Variants in CCDC179 observed in about 807,000 individuals in gnomAD.
The protein encoded by CCDC179 is coiled-coil domain-containing protein 179.
A neutral mutation model predicts 12.0 loss-of-function variants in CCDC179; 17 were observed. The observed-to-expected ratio is 1.42, with a 90% confidence interval of 0.97 to 2.13. The LOEUF (loss-of-function observed/expected upper bound fraction) is 2.13, where lower values mean the gene tolerates loss of function less well. Among genes scored for constraint, CCDC179 ranks in the 30% most tolerant of loss-of-function variants. The probability of loss-of-function intolerance (pLI) is 0.00; values close to 1 mark genes in which losing one functional copy is unlikely to be tolerated. For synonymous variants in CCDC179, 27 were observed against 26.4 expected, an observed-to-expected ratio of 1.02 and a Z score of -0.07; for missense variants, 83 against 78.6, an observed-to-expected ratio of 1.06 and a Z score of -0.21.
At chr11:22,856,549 C>A (rs116888783) in intron 3 of CCDC179, among the ~76,000 whole-genome samples, 2 of 151,466 alleles carry the variant, frequency 1.3e-5, no homozygotes, top group African/African-American at 2.4e-5. Flanking sequence ...CTAAACCTCA[C>A]ATTATAGTCA....
At chr11:22,854,757 G>A (rs991984547) in intron 3 of CCDC179, among the ~76,000 whole-genome samples, 11 of 151,876 alleles carry the variant, frequency 7.2e-5, no homozygotes, top group African/African-American at 2.6e-4. Flanking sequence ...CACTTCAGAT[G>A]TCAATGATCT....
chr11:22,853,774 A>G (rs1858473250), intron 3 of CCDC179, among the ~76,000 whole-genome samples: 1 of 151,898 alleles, frequency 6.6e-6, no homozygotes, highest in Admixed American at 6.6e-5. Context: ...AAATATTGAC[A>G]TAATAATAGA....
chr11:22,858,610 TC>T (rs1858586506), intron 2 of CCDC179, among the ~76,000 whole-genome samples: 1 of 152,026 alleles, frequency 6.6e-6, no homozygotes, highest in Non-Finnish European at 1.5e-5. Flanking sequence ...TTTTAAAAAA[TC>T]CACTGATAAC....
In CCDC179 at chr11:22,860,423, C is replaced by T. The variant is rs868354972; in HGVS notation, c.-2G>A. 6 of 1,535,062 alleles carry T rather than the reference C, an allele frequency of 3.9e-6. No individual in the cohort carries two copies. The African/African-American group carries it at 5.5e-5, about 14-fold the overall frequency. On this transcript the variant is annotated 5_prime_UTR_variant, in exon 1 of 4. Coordinates refer to ENST00000532798, the MANE Select transcript of CCDC179 (RefSeq NM_001195637.2). ...GATGTCCCAGCAATACAGGCACATG[C>T]CGTGGAGCCTTAGGGCGCCCCCTGA... is the stretch of plus-strand genomic sequence containing the variant.
At position 22,858,044 on chromosome 11, in the gene CCDC179, T is replaced by C; in HGVS notation, c.91-18A>G. ...TTTGCAAGCTTTAGAAAAATTAAAA[T>C]GAAAGAAAAATCATACTTTTTTGTA... On this transcript the variant is annotated intron_variant, in intron 2 of 3. Transcript: ENST00000532798. The C allele has an allele frequency of 7.0e-7, 1 of 1,424,106 alleles. No homozygotes were observed. The highest frequency in any genetic ancestry group is 9.3e-7 in the Non-Finnish European group (1 of 1,071,574). 88.2% of individuals were successfully genotyped at this position (1,424,106 alleles called of 1,614,324 possible).
chr11:22,854,449 C>T (rs1294206454), intron 3 of CCDC179, among the ~76,000 whole-genome samples: 1 of 151,630 alleles, frequency 6.6e-6, no homozygotes. Flanking sequence ...AATACTATGT[C>T]AAAAGGTAAC....
In CCDC179 at chr11:22,857,911, T is replaced by G. The variant is rs1858564760; in HGVS notation, c.195+11A>C. On this transcript the variant is annotated intron_variant, in intron 3 of 3. Coordinates refer to ENST00000532798, the MANE Select transcript of CCDC179 (RefSeq NM_001195637.2). The stretch of plus-strand genomic sequence containing the variant: ...ATGATCTGTTAATTTCAGTGAAACC[T>G]CTATACTTACTAGGAGTCCTGGTTC... 2 of 1,376,066 alleles carry G rather than the reference T, an allele frequency of 1.5e-6. No homozygotes were observed. Among genetic ancestry groups the G allele is most frequent in the Non-Finnish European group, 2.0e-6 (2 of 1,019,258 alleles). The allele number at this position is 1,376,066 out of a possible 1,614,324, so 85.2% of individuals were successfully genotyped here. A position where few individuals can be genotyped will look rare whatever the true frequency, so the allele number is the denominator to read the frequency against.
intron 1 of CCDC179, among the ~76,000 whole-genome samples, chr11:22,859,952 C>T (rs940811343): frequency 2.6e-5 from 4 of 152,250 alleles, no homozygotes; most frequent in South Asian, 2.1e-4. Context: ...TGTTAGTTTT[C>T]GAGATTCTCA....
At chr11:22,860,138 A>G (rs1858628209) in intron 1 of CCDC179, among the ~76,000 whole-genome samples, 2 of 152,236 alleles carry the variant, frequency 1.3e-5, no homozygotes, top group Non-Finnish European at 2.9e-5. Flanking sequence ...CCAATGGGGC[A>G]GTCAACATAC....
intron 1 of CCDC179, 34 bp downstream of exon 1, chr11:22,860,343 G>T: frequency 2.6e-6 from 4 of 1,533,800 alleles, no homozygotes; most frequent in Non-Finnish European, 3.5e-6. Context: ...GGACAGAGTG[G>T]CAGAGTTGAG....
chr11:22,850,895 TA>T (rs1564914918), intron 3 of CCDC179, among the ~76,000 whole-genome samples: 3 of 139,968 alleles, frequency 2.1e-5, no homozygotes, highest in Non-Finnish European at 4.6e-5. Context: ...TATGATACGT[TA>T]TACTAAGAGA....
intron 2 of CCDC179, 43 bp from the exon 3 acceptor site, chr11:22,858,069 A>G: frequency 7.9e-7 from 1 of 1,272,490 alleles, no homozygotes; most frequent in Non-Finnish European, 1.1e-6. Context: ...ACTTTTTTGT[A>G]ACATATAAAG....
chr11:22,852,625 G>A (rs182240890), intron 3 of CCDC179, among the ~76,000 whole-genome samples: 21 of 152,232 alleles, frequency 1.4e-4, no homozygotes, highest in African/African-American at 5.1e-4. Context: ...TCATGAGGAG[G>A]CATTTTCCAT....
intron 3 of CCDC179, among the ~76,000 whole-genome samples, chr11:22,854,248 G>T (rs569218202): frequency 6.6e-6 from 1 of 151,572 alleles, no homozygotes; most frequent in Non-Finnish European, 1.5e-5. Flanking sequence ...AAACTTGGAC[G>T]TACTTAAAGG....
At position 22,853,728 on chromosome 11, in the gene CCDC179, GAAGA is replaced by G. The variant is rs558028965; in HGVS notation, c.195+4190_195+4193del. ...AGGAAGAAGAAGAAAGAAGAAGGAA[GAAGA>G]AAGGAAGGAAGAGAAGGAGGAGAAA... On this transcript the variant is annotated intron_variant, in intron 3 of 3. Transcript: ENST00000532798. Among the ~76,000 whole-genome samples, 525 of 151,262 alleles carry G rather than the reference GAAGA, an allele frequency of 3.5e-3. 4 individuals are homozygous for G. Among genetic ancestry groups the G allele is most frequent in the African/African-American group, 0.012 (503 of 41,292 alleles).
chr11:22,851,852 C>A lies in CCDC179; in HGVS notation c.196-4331G>T, dbSNP rs1309906719. ...TGTAGAGAGGACAGTCTTAGGGAAG[C>A]TCCCATAGTTTCCTAAATTTTACCT... On this transcript the variant is annotated intron_variant, in intron 3 of 3. Transcript: ENST00000532798. 2.0e-5 allele frequency among the ~76,000 whole-genome samples: 3 copies of A among 152,132 alleles called. No individual in the cohort carries two copies. The East Asian group carries it at 5.8e-4, about 29-fold the overall frequency.
rs1441047647 is a variant in CCDC179 at position 22,860,452 on chromosome 11, C to T, written c.-31G>A. The T allele has an allele frequency of 1.7e-5, 26 of 1,529,562 alleles. No homozygotes were observed. Among genetic ancestry groups the T allele is most frequent in the Non-Finnish European group, 2.0e-5 (23 of 1,143,588 alleles). The allele number at this position is 1,529,562 out of a possible 1,614,324, so 94.7% of individuals were successfully genotyped here. On this transcript the variant is annotated 5_prime_UTR_variant, in exon 1 of 4. Coordinates refer to ENST00000532798, the MANE Select transcript of CCDC179 (RefSeq NM_001195637.2). ...GGAGCCTTAGGGCGCCCCCTGACGC[C>T]TACTGCCTGTCCTGGACCAAATGAT...
At position 22,855,809 on chromosome 11, in the gene CCDC179, A is replaced by C. The variant is rs1858516425; in HGVS notation, c.195+2113T>G. Among the ~76,000 whole-genome samples the C allele has an allele frequency of 2.6e-5, 4 of 151,494 alleles. No homozygotes were observed. In the South Asian group the frequency reaches 8.3e-4, roughly 31 times the overall value. On this transcript the variant is annotated intron_variant, in intron 3 of 3. Coordinates refer to ENST00000532798, the MANE Select transcript of CCDC179 (RefSeq NM_001195637.2). Reference sequence around the variant, plus strand: ...TTGATAAACTTTTGCCAGACTAACCAAAAAAGACACAAATTACTAACATCA... The same window carrying C: ...TTGATAAACTTTTGCCAGACTAACCCAAAAAGACACAAATTACTAACATCA...
intron 3 of CCDC179, among the ~76,000 whole-genome samples, chr11:22,850,696 G>C (rs1343241212): frequency 6.6e-6 from 1 of 151,544 alleles, no homozygotes; most frequent in Non-Finnish European, 1.5e-5. Flanking sequence ...GTTTGTTAAG[G>C]GCCAAGTCAT....
Sources: allele counts gnomAD v4.1 joint callset (sites outside exome capture counted in the v4.1 genomes callset), GRCh38; gene constraint gnomAD v4.1.1; transcripts MANE v1.5; gene names NCBI Gene and HGNC (gene_info 2026-07-23, HGNC 2026-07-21).